TLE4: variants seen among roughly 807,000 people sequenced by gnomAD.
TLE4 encodes transducin-like enhancer protein 4.
TLE4 carries 8 observed loss-of-function variants against 92.8 expected under a neutral mutation model. The observed-to-expected ratio is 0.09, with a 90% CI of 0.05 to 0.16. The LOEUF (loss-of-function observed/expected upper bound fraction) is 0.16. TLE4 is among the 10% of genes least tolerant of loss of function. The pLI is 1.00. For missense variants in TLE4, 675 were observed against 997.6 expected (o/e 0.68, Z 4.36); for synonymous variants, 371 against 374.1 (o/e 0.99, Z 0.10).
rs951576094 is a variant in TLE4, at chr9:79,652,456, G to A, written c.391-137G>A. On this transcript the variant is annotated intron_variant, in intron 6 of 19. Transcript: ENST00000376552. Reference sequence around the variant, plus strand: ...CCTGCCTCGGCCTCCCAAAGTGCTGGGATTACAGGCGTGAGCCACCGTGCC... The same window carrying A: ...CCTGCCTCGGCCTCCCAAAGTGCTGAGATTACAGGCGTGAGCCACCGTGCC... 18 of 868,226 alleles carry A rather than the reference G, an allele frequency of 2.1e-5. 1 individual carries two copies. Among genetic ancestry groups the A allele is most frequent in the African/African-American group, 3.4e-5 (2 of 59,588 alleles). 53.8% of individuals were successfully genotyped at this position (868,226 alleles called of 1,614,324 possible).
intron 13 of TLE4, among the ~76,000 whole-genome samples, chr9:79,709,135 T>C (rs949580146): frequency 3.3e-5 from 5 of 152,166 alleles, no homozygotes; most frequent in Admixed American, 2.0e-4. Context: ...GCCTGGCCTA[T>C]CTATTTTTTA....
intron 4 of TLE4, among the ~76,000 whole-genome samples, chr9:79,597,932 A>G (rs981482354): frequency 2.6e-5 from 4 of 152,074 alleles, no homozygotes; most frequent in Non-Finnish European, 5.9e-5. Flanking sequence ...CTTGGCCACC[A>G]TATTTAAAAG....
At chr9:79,623,636 G>A (rs2051650395) in intron 5 of TLE4, among the ~76,000 whole-genome samples, 1 of 149,050 alleles carries the variant, frequency 6.7e-6, no homozygotes, top group Non-Finnish European at 1.5e-5. Flanking sequence ...CTAGTTTTAA[G>A]TGTATGGTTC....
In TLE4 at chr9:79,721,731, A is replaced by G; in HGVS notation, c.1839-10A>G. The G allele has an allele frequency of 6.2e-7, 1 of 1,613,868 alleles. No individual in the cohort carries two copies. The highest frequency in any genetic ancestry group is 1.1e-5 in the South Asian group (1 of 90,944). On this transcript the variant is annotated splice_polypyrimidine_tract_variant and intron_variant, in intron 16 of 19. Transcript: ENST00000376552. The stretch of plus-strand genomic sequence containing the variant: ...TTTCAAGGGCTTTCCCTCCATTTTG[A>G]CATTTTCAGGCAATTCCAGGGCCAC...
intron 4 of TLE4, chr9:79,580,214 C>T (rs965635128): frequency 2.6e-5 from 4 of 152,276 alleles, no homozygotes; most frequent in African/African-American, 4.8e-5. Context: ...GCAAATCAAT[C>T]GGCATCTACT....
In TLE4 at chr9:79,628,873, AGTGTGTGTGT is replaced by A. The variant is rs34212290; in HGVS notation, c.390+1452_390+1461del. Among the ~76,000 whole-genome samples, 174 of 148,092 alleles carry A rather than the reference AGTGTGTGTGT, an allele frequency of 1.2e-3. 2 individuals are homozygous for A. The highest frequency in any genetic ancestry group is 3.4e-3 in the Middle Eastern group (1 of 290). On this transcript the variant is annotated intron_variant, in intron 6 of 19. Coordinates refer to ENST00000376552, the MANE Select transcript of TLE4 (RefSeq NM_007005.6). Reference sequence around the variant, plus strand: ...TGAGAAAGGTTTAATTTTAAAGTTAAGTGTGTGTGTGTGTGTGTGTGTGTGTGTGTGTGTG... The same window carrying A: ...TGAGAAAGGTTTAATTTTAAAGTTAAGTGTGTGTGTGTGTGTGTGTGTGTG...
chr9:79,585,864 A>G (rs2040941192), intron 4 of TLE4, among the ~76,000 whole-genome samples: 1 of 152,092 alleles, frequency 6.6e-6, no homozygotes, highest in Admixed American at 6.6e-5. Flanking sequence ...GGATGAACAC[A>G]GTGAGACGCA....
chr9:79,716,689 A>G (rs995713035), intron 14 of TLE4, among the ~76,000 whole-genome samples: 2 of 152,162 alleles, frequency 1.3e-5, no homozygotes, highest in African/African-American at 2.4e-5. Context: ...ATTCGTACCC[A>G]TTCTTTATGT....
intron 4 of TLE4, among the ~76,000 whole-genome samples, chr9:79,582,353 G>A (rs958909334): frequency 6.6e-6 from 1 of 152,094 alleles, no homozygotes; most frequent in Non-Finnish European, 1.5e-5. Context: ...ATTTTGATGG[G>A]CAAAGTTCTT....
chr9:79,725,202 C>G lies in TLE4; in HGVS notation c.*58C>G, dbSNP rs1485145740. ...CCTGGTAGCACTTTGCTCTGTCATC[C>G]TTTTTGTTCACCCCCATCCCCGCAT... On this transcript the variant is annotated 3_prime_UTR_variant, in exon 20 of 20. Coordinates refer to ENST00000376552, the MANE Select transcript of TLE4 (RefSeq NM_007005.6). The G allele has an allele frequency of 1.5e-6, 2 of 1,299,738 alleles. No individual in the cohort carries two copies. Among genetic ancestry groups the G allele is most frequent in the Non-Finnish European group, 2.2e-6 (2 of 901,096 alleles). 80.5% of individuals were successfully genotyped at this position (1,299,738 alleles called of 1,614,324 possible).
intron 5 of TLE4, among the ~76,000 whole-genome samples, chr9:79,622,179 A>G (rs1307018786): frequency 6.6e-6 from 1 of 152,052 alleles, no homozygotes; most frequent in African/African-American, 2.4e-5. Context: ...TCTTTAAAGC[A>G]TTTCCATGCT....
At chr9:79,602,443 T>A (rs1020856700) in intron 4 of TLE4, among the ~76,000 whole-genome samples, 3 of 152,208 alleles carry the variant, frequency 2.0e-5, no homozygotes, top group Non-Finnish European at 4.4e-5. Context: ...GACTTTAACT[T>A]GAAGCCAATG....
chr9:79,656,092 A>G (rs1259999918), intron 8 of TLE4, among the ~76,000 whole-genome samples: 3 of 152,210 alleles, frequency 2.0e-5, no homozygotes, highest in Admixed American at 1.3e-4. Context: ...GTTGGGTACC[A>G]TTCTCAAATT....
intron 4 of TLE4, among the ~76,000 whole-genome samples, chr9:79,603,240 A>G (rs2046056749): frequency 6.6e-6 from 1 of 152,188 alleles, no homozygotes; most frequent in African/African-American, 2.4e-5. Flanking sequence ...CTGAAATTTC[A>G]AAGAAATTCT....
Position 79,586,110 on chromosome 9 carries a change from C to T in TLE4, c.252+9933C>T, listed in dbSNP as rs371820247. 1.8e-4 allele frequency among the ~76,000 whole-genome samples: 25 copies of T among 141,570 alleles called. No individual in the cohort carries two copies. In the East Asian group the frequency reaches 1.9e-3, roughly 11 times the overall value. The allele number at this position is 141,570 out of a possible 152,430, so 92.9% of individuals were successfully genotyped here. On this transcript the variant is annotated intron_variant, in intron 4 of 19. Transcript: ENST00000376552. ...AAACTTAGGCTGGGCACGTGGCTTA[C>T]GCCTGTAATCCCAGCACTTTGGGAG...
chr9:79,647,732 A>G (rs192217488), intron 6 of TLE4, among the ~76,000 whole-genome samples: 62 of 152,278 alleles, frequency 4.1e-4, no homozygotes, highest in Middle Eastern at 3.4e-3. Flanking sequence ...ATTAAGAGGT[A>G]TGGCATACAC....
intron 8 of TLE4, among the ~76,000 whole-genome samples, chr9:79,672,932 C>T (rs1456849216): frequency 1.3e-5 from 2 of 152,150 alleles, no homozygotes; most frequent in Non-Finnish European, 2.9e-5. Flanking sequence ...CAAGTGAGGG[C>T]AGGTGGAGCA....
At chr9:79,679,923 A>T (rs376774442) in intron 8 of TLE4, among the ~76,000 whole-genome samples, 4 of 151,634 alleles carry the variant, frequency 2.6e-5, no homozygotes, top group African/African-American at 4.9e-5. Flanking sequence ...GATCAGATAG[A>T]TGTAGATATG....
chr9:79,702,694 A>G (rs1462567025), intron 8 of TLE4, among the ~76,000 whole-genome samples: 1 of 152,038 alleles, frequency 6.6e-6, no homozygotes, highest in African/African-American at 2.4e-5. Context: ...TTCATATAAA[A>G]CCTCAAGAGG....
Sources: allele counts gnomAD v4.1 joint callset (sites outside exome capture counted in the v4.1 genomes callset), GRCh38; gene constraint gnomAD v4.1.1; transcripts MANE v1.5; gene names NCBI Gene and HGNC (gene_info 2026-07-23, HGNC 2026-07-21).